PLA2G4E: variants seen among roughly 807,000 people sequenced by gnomAD.
PLA2G4E encodes the protein cytosolic phospholipase A2 epsilon.
In PLA2G4E, 84 loss-of-function variants were observed where a neutral mutation model predicts 109.1. That is an observed-to-expected ratio of 0.77 (90% confidence interval 0.65 to 0.92). PLA2G4E has a LOEUF of 0.92. PLA2G4E is among the 40% of genes least tolerant of loss of function. The probability of loss-of-function intolerance (pLI) is 0.00; values close to 1 mark genes in which losing one functional copy is unlikely to be tolerated. For missense variants in PLA2G4E, 1,057 were observed against 1,076.6 expected, an observed-to-expected ratio of 0.98 and a Z score of 0.25; for synonymous variants, 469 against 436.1, an observed-to-expected ratio of 1.08 and a Z score of -0.94.
At position 42,002,665 on chromosome 15, in the gene PLA2G4E, C is replaced by T. The variant is rs1397551469; in HGVS notation, c.598G>A (p.Gly200Ser). ...AGGAAGATAATTACCACCAGCACGC[C>T]ATTGGTGACGAGGGTCTCAGGTGGA... Residue 200 changes from glycine (G) to serine (S), a missense_variant, in exon 6 of 20, where the codon GGC (glycine) becomes AGC (serine). Gly to Ser is a moderately conservative substitution (Grantham distance 56, BLOSUM62 0). Coordinates refer to ENST00000399518, the Ensembl canonical transcript of PLA2G4E. The T allele has an allele frequency of 2.5e-6, 4 of 1,585,608 alleles. No homozygotes were observed. The highest frequency in any genetic ancestry group is 2.7e-5 in the African/African-American group (2 of 74,352).
chr15:42,049,602 C>T (rs11632871), intron 1 of PLA2G4E, among the ~76,000 whole-genome samples: 65,676 of 152,000 alleles, frequency 0.43, 15,980 homozygotes, highest in Admixed American at 0.57. Context: ...AAGGTGACTC[C>T]GTGGTTGGGG....
chr15:42,042,544 T>C (rs1345531327), intron 1 of PLA2G4E, among the ~76,000 whole-genome samples: 1 of 152,234 alleles, frequency 6.6e-6, no homozygotes, highest in Non-Finnish European at 1.5e-5. Context: ...TAACATTTAT[T>C]TCATGCCTAC....
exon 16 of PLA2G4E, chr15:41,988,052 T>C (rs2068175279): frequency 1.3e-6 from 2 of 1,595,390 alleles, no homozygotes; most frequent in Admixed American, 1.7e-5. Flanking sequence ...CACCCACCGA[T>C]GTCCTGCACT....
intron 2 of PLA2G4E, among the ~76,000 whole-genome samples, chr15:42,008,460 C>A (rs962033780): frequency 1.3e-4 from 20 of 152,220 alleles, no homozygotes; most frequent in Admixed American, 6.5e-5. Context: ...CTCTTCTTAC[C>A]TATCCTGATC....
intron 12 of PLA2G4E, among the ~76,000 whole-genome samples, chr15:41,993,910 G>A (rs369749178): frequency 6.6e-6 from 1 of 152,286 alleles, no homozygotes; most frequent in African/African-American, 2.4e-5. Flanking sequence ...TACGACTTGT[G>A]CTTTCCCCAG....
intron 1 of PLA2G4E, among the ~76,000 whole-genome samples, chr15:42,017,512 G>A (rs528316146): frequency 2.0e-5 from 3 of 152,246 alleles, no homozygotes; most frequent in East Asian, 1.9e-4. Flanking sequence ...TATTAGCTTC[G>A]TCTTTATAGA....
At chr15:41,995,797 G>A (rs749777769) in intron 11 of PLA2G4E, among the ~76,000 whole-genome samples, 2 of 152,200 alleles carry the variant, frequency 1.3e-5, no homozygotes, top group Admixed American at 6.5e-5. Context: ...TCTAGCCCTC[G>A]GTTAACAGGT....
At chr15:42,006,575 G>A (rs2068479365) in intron 3 of PLA2G4E, among the ~76,000 whole-genome samples, 1 of 152,336 alleles carries the variant, frequency 6.6e-6, no homozygotes, top group Middle Eastern at 3.4e-3. Context: ...TCCAGGGAGT[G>A]ATGTGGCAAA....
At chr15:42,017,944 C>T (rs1010164991) in intron 1 of PLA2G4E, among the ~76,000 whole-genome samples, 2 of 152,186 alleles carry the variant, frequency 1.3e-5, no homozygotes, top group Admixed American at 6.5e-5. Context: ...CTCCAGCTCT[C>T]GAATTTTCAG....
chr15:42,017,103 G>C (rs2068602744), intron 1 of PLA2G4E, among the ~76,000 whole-genome samples: 1 of 152,226 alleles, frequency 6.6e-6, no homozygotes, highest in African/African-American at 2.4e-5. Flanking sequence ...AAGCTGTGGA[G>C]GCTTCAGCCC....
intron 3 of PLA2G4E, among the ~76,000 whole-genome samples, chr15:42,006,650 G>T (rs189196164): frequency 1.6e-4 from 24 of 152,318 alleles, no homozygotes; most frequent in African/African-American, 5.5e-4. Context: ...TCAGCCCCTA[G>T]TAAGTTCTCA....
chr15:41,984,647 G>T, intron 18 of PLA2G4E, 28 bp from the exon 19 acceptor site: 1 of 1,532,250 alleles, frequency 6.5e-7, no homozygotes, highest in Non-Finnish European at 8.9e-7. Flanking sequence ...GCGTGTTTGA[G>T]CATTAGGAGG....
chr15:42,010,995 A>G (rs1028527216), intron 2 of PLA2G4E, among the ~76,000 whole-genome samples: 3 of 152,244 alleles, frequency 2.0e-5, no homozygotes, highest in African/African-American at 4.8e-5. Context: ...GACCTAAAAG[A>G]CATCGGGATA....
chr15:41,993,828 A>G (rs1042513415), intron 12 of PLA2G4E, among the ~76,000 whole-genome samples: 2 of 152,208 alleles, frequency 1.3e-5, no homozygotes, highest in African/African-American at 2.4e-5. Context: ...CCTGCTCTCC[A>G]TAAGCTTCAC....
intron 1 of PLA2G4E, among the ~76,000 whole-genome samples, chr15:42,028,376 TTTATTTAC>T (rs2068710728): frequency 9.1e-6 from 1 of 109,792 alleles, no homozygotes; most frequent in Non-Finnish European, 2.2e-5. Context: ...ATTTTATTTA[TTTATTTAC>T]TTATTTATTT....
intron 1 of PLA2G4E, among the ~76,000 whole-genome samples, chr15:42,018,821 G>A (rs1397874737): frequency 6.6e-6 from 1 of 152,166 alleles, no homozygotes; most frequent in Non-Finnish European, 1.5e-5. Context: ...ATGTGGAAAA[G>A]AGGCAGCCCC....
intron 1 of PLA2G4E, among the ~76,000 whole-genome samples, chr15:42,016,955 C>A (rs545550029): frequency 6.6e-6 from 1 of 152,266 alleles, no homozygotes; most frequent in Non-Finnish European, 1.5e-5. Context: ...AGGTGCACTC[C>A]TCCTTTCTCA....
intron 1 of PLA2G4E, among the ~76,000 whole-genome samples, chr15:42,041,629 G>A (rs1470184594): frequency 2.0e-5 from 3 of 152,204 alleles, no homozygotes; most frequent in Non-Finnish European, 4.4e-5. Context: ...GTTCCAGAGA[G>A]GAAATATGCC....
chr15:41,999,867 G>T, intron 9 of PLA2G4E, 50 bp downstream of exon 9: 1 of 1,525,600 alleles, frequency 6.6e-7, no homozygotes, highest in Non-Finnish European at 9.0e-7. Context: ...CCTACCACAG[G>T]AGCTCCAGGG....
Sources: gnomAD v4.1 joint callset for allele counts (sites outside exome capture counted in the v4.1 genomes callset) on GRCh38, gnomAD v4.1.1 for gene constraint, MANE v1.5 for transcripts, NCBI Gene and HGNC (gene_info 2026-07-23, HGNC 2026-07-21) for gene names.